The following CDC42BPA variants were observed in gnomAD, a reference collection of about 807,000 sequenced individuals.
CDC42BPA encodes CDC42 binding protein kinase alpha.
Under a neutral mutation model 223.5 loss-of-function variants are expected in CDC42BPA, and 80 were observed. The observed-to-expected ratio is 0.36, with a 90% confidence interval of 0.30 to 0.43. CDC42BPA has a LOEUF of 0.43. Ranked by LOEUF, CDC42BPA falls within the 20% of genes least tolerant of loss-of-function variation. CDC42BPA has a pLI of 1.00. For synonymous variants in CDC42BPA, 694 were observed against 718.6 expected (o/e 0.97, Z 0.55); for missense variants, 1,743 against 2,099.9 (o/e 0.83, Z 3.32).
chr1:227,075,315 T>A (rs17603714), intron 17 of CDC42BPA, among the ~76,000 whole-genome samples: 10,345 of 152,256 alleles, frequency 0.068, 489 homozygotes, highest in Non-Finnish European at 0.1. Flanking sequence ...AATCAGCATG[T>A]ATCCGATGCA....
intron 2 of CDC42BPA, among the ~76,000 whole-genome samples, chr1:227,222,764 T>G (rs1037633412): frequency 6.6e-6 from 1 of 152,240 alleles, no homozygotes; most frequent in African/African-American, 2.4e-5. Flanking sequence ...GAATGGGCAA[T>G]TTCCCCTGTA....
Position 227,224,377 on chromosome 1 carries a change from G to A in CDC42BPA, c.271-11158C>T, listed in dbSNP as rs574380659. Among the ~76,000 whole-genome samples the A allele has an allele frequency of 3.7e-4, 57 of 152,132 alleles. No homozygotes were observed. The South Asian group carries it at 0.011, about 29-fold the overall frequency. ...GCCTCCCAAGTAGCTGGGATTACAG[G>A]TGCGTGCCACCACCCCGGCTAATTT... On this transcript the variant is annotated intron_variant, in intron 2 of 36. Transcript: ENST00000366766.
In CDC42BPA at chr1:227,317,262, T is replaced by C. The variant is rs1694561084; in HGVS notation, c.-80A>G. 1 of 1,457,748 alleles carries C rather than the reference T, an allele frequency of 6.9e-7. No homozygotes were observed. The highest frequency in any genetic ancestry group is 1.3e-5 in the South Asian group (1 of 74,780). The allele number at this position is 1,457,748 out of a possible 1,614,324, so 90.3% of individuals were successfully genotyped here. On this transcript the variant is annotated 5_prime_UTR_variant, in exon 1 of 37. In the 5' UTR this introduces an upstream ATG that the reference lacks. Coordinates refer to ENST00000366766, the MANE Select transcript of CDC42BPA (RefSeq NM_001394014.1). ...TTATCTGAACCTAAATTTTAAAAGGTATGGTTTTAAAAATAAACCACTTGT... is the reference window on the plus strand; with the variant it reads ...TTATCTGAACCTAAATTTTAAAAGGCATGGTTTTAAAAATAAACCACTTGT...
In CDC42BPA at chr1:227,303,129, T is replaced by C. The variant is rs560413325; in HGVS notation, c.178+13876A>G. Among the ~76,000 whole-genome samples, 18 of 152,308 alleles carry C rather than the reference T, an allele frequency of 1.2e-4. No individual in the cohort carries two copies. In the South Asian group the frequency reaches 3.5e-3, roughly 30 times the overall value. On this transcript the variant is annotated intron_variant, in intron 1 of 36. Transcript: ENST00000366766. ...ATCCTCAGATGTCTGGCAATTCTAT[T>C]TTCCATTCATATTTAATTACGAGAA...
intron 11 of CDC42BPA, among the ~76,000 whole-genome samples, chr1:227,120,561 T>A (rs958931741): frequency 6.6e-6 from 1 of 152,224 alleles, no homozygotes; most frequent in Non-Finnish European, 1.5e-5. Flanking sequence ...TGCACTGACT[T>A]TTCCACCTTA....
chr1:227,259,351 T>G (rs1683652667), intron 1 of CDC42BPA, among the ~76,000 whole-genome samples: 1 of 150,992 alleles, frequency 6.6e-6, no homozygotes, highest in Non-Finnish European at 1.5e-5. Context: ...GCAAACATCC[T>G]ACTATGACTC....
intron 11 of CDC42BPA, among the ~76,000 whole-genome samples, chr1:227,122,443 G>A (rs59396012): frequency 0.032 from 4,816 of 152,216 alleles, 230 homozygotes; most frequent in African/African-American, 0.11. Context: ...TGATATCACA[G>A]GGGATAGCTT....
chr1:227,139,988 C>T (rs1265747255), intron 9 of CDC42BPA, among the ~76,000 whole-genome samples: 1 of 151,802 alleles, frequency 6.6e-6, no homozygotes, highest in Non-Finnish European at 1.5e-5. Flanking sequence ...ACCTAAAATC[C>T]CCCAAATTAT....
At chr1:227,190,261 A>G (rs1187323390) in intron 5 of CDC42BPA, among the ~76,000 whole-genome samples, 1 of 152,216 alleles carries the variant, frequency 6.6e-6, no homozygotes, top group Non-Finnish European at 1.5e-5. Context: ...TGCAAAGAAC[A>G]TAAATCTGGA....
chr1:227,290,887 A>C (rs1309056306), intron 1 of CDC42BPA, among the ~76,000 whole-genome samples: 1 of 152,140 alleles, frequency 6.6e-6, no homozygotes, highest in East Asian at 1.9e-4. Flanking sequence ...TTACTATAGC[A>C]CTAAAAATTC....
In CDC42BPA at chr1:227,073,325, A is replaced by G. The variant is rs2149074959; in HGVS notation, c.2735+539T>C. Among the ~76,000 whole-genome samples the G allele has an allele frequency of 1.3e-5, 2 of 152,298 alleles. 1 individual carries two copies. Among genetic ancestry groups the G allele is most frequent in the Middle Eastern group, 6.8e-3 (2 of 294 alleles). On this transcript the variant is annotated intron_variant, in intron 19 of 36. Transcript: ENST00000366766. ...TCTAGTGTTGTGACCAGAATTGACG[A>G]AATGTGTTCATTAGCTAACTGCTTC...
At chr1:227,233,153 C>G (rs1276862968) in intron 2 of CDC42BPA, among the ~76,000 whole-genome samples, 2 of 152,202 alleles carry the variant, frequency 1.3e-5, no homozygotes, top group African/African-American at 2.4e-5. Context: ...GAGCTGCAGA[C>G]TGGAGCTGTT....
At chr1:227,238,110 T>C (rs1448741811) in intron 2 of CDC42BPA, among the ~76,000 whole-genome samples, 1 of 151,284 alleles carries the variant, frequency 6.6e-6, no homozygotes, top group African/African-American at 2.4e-5. Flanking sequence ...CCCAACACTT[T>C]GGGAGGCATA....
In CDC42BPA at chr1:227,101,369, T is replaced by C. The variant is rs544871167; in HGVS notation, c.2002-130A>G. 1.9e-4 allele frequency: 105 copies of C among 541,652 alleles called. No individual in the cohort carries two copies. The African/African-American group carries it at 2.0e-3, about 10-fold the overall frequency. The allele number at this position is 541,652 out of a possible 1,614,324, so 33.6% of individuals were successfully genotyped here. A position where few individuals can be genotyped will look rare whatever the true frequency, so the allele number is the denominator to read the frequency against. ...GTACATCCTAACAAAAATAAAATTCTATGTTAAATCTACTAACTTTTTGCC... is the reference window on the plus strand; with the variant it reads ...GTACATCCTAACAAAAATAAAATTCCATGTTAAATCTACTAACTTTTTGCC... On this transcript the variant is annotated intron_variant, in intron 14 of 36. Transcript: ENST00000366766.
At chr1:227,222,464 A>C (rs1354649818) in intron 2 of CDC42BPA, among the ~76,000 whole-genome samples, 2 of 152,188 alleles carry the variant, frequency 1.3e-5, no homozygotes, top group Non-Finnish European at 2.9e-5. Context: ...ACGCCACTGC[A>C]CTCCAGCCTG....
At chr1:227,309,386 T>G (rs1693133574) in intron 1 of CDC42BPA, among the ~76,000 whole-genome samples, 1 of 152,196 alleles carries the variant, frequency 6.6e-6, no homozygotes, top group Admixed American at 6.5e-5. Flanking sequence ...GCACCAATTA[T>G]GTTTTCTCCT....
intron 5 of CDC42BPA, among the ~76,000 whole-genome samples, chr1:227,164,358 A>T (rs150585222): frequency 1.2e-3 from 184 of 152,384 alleles, no homozygotes; most frequent in African/African-American, 3.9e-3. Flanking sequence ...TCTGAAGAGA[A>T]CTGACATCTT....
chr1:227,205,050 G>A (rs2150280222), intron 3 of CDC42BPA, among the ~76,000 whole-genome samples: 1 of 152,140 alleles, frequency 6.6e-6, no homozygotes, highest in East Asian at 1.9e-4. Context: ...CCTGAGGTTA[G>A]GAGTTCAAGA....
At chr1:227,041,675 GA>G (rs1671406818) in intron 23 of CDC42BPA, among the ~76,000 whole-genome samples, 1 of 152,204 alleles carries the variant, frequency 6.6e-6, no homozygotes, top group South Asian at 2.1e-4. Flanking sequence ...ATTAGTCAGA[GA>G]ATGGGGTGAG....
Sources: gnomAD v4.1 joint callset for allele counts (sites outside exome capture counted in the v4.1 genomes callset) on GRCh38, gnomAD v4.1.1 for gene constraint, MANE v1.5 for transcripts, NCBI Gene and HGNC (gene_info 2026-07-23, HGNC 2026-07-21) for gene names.